The following KCNB2 variants were observed in gnomAD, a reference collection of about 807,000 sequenced individuals.
KCNB2 encodes the protein potassium voltage-gated channel subfamily B member 2.
KCNB2 carries 15 observed loss-of-function variants against 61.5 expected under a neutral mutation model. That is an observed-to-expected ratio of 0.24 (90% confidence interval 0.16 to 0.38). The LOEUF is 0.38. Ranked by LOEUF, KCNB2 falls within the 10% of genes least tolerant of loss-of-function variation. The pLI is 1.00. For synonymous variants in KCNB2, 457 were observed against 446.0 expected (o/e 1.02, Z -0.31); for missense variants, 828 against 1,125.2 (o/e 0.74, Z 3.78).
At chr8:72,639,325 C>T (rs564148350) in intron 2 of KCNB2, among the ~76,000 whole-genome samples, 1 of 152,264 alleles carries the variant, frequency 6.6e-6, no homozygotes, top group African/African-American at 2.4e-5. Context: ...ATTGATTAGA[C>T]ATCCACAAGT....
chr8:72,785,349 T>G (rs77715605), intron 2 of KCNB2, among the ~76,000 whole-genome samples: 1 of 152,284 alleles, frequency 6.6e-6, no homozygotes, highest in East Asian at 1.9e-4. Flanking sequence ...TCCTGAATAA[T>G]TGGGAATTGC....
chr8:72,817,546 CA>C (rs1809421255), intron 2 of KCNB2, among the ~76,000 whole-genome samples: 1 of 152,162 alleles, frequency 6.6e-6, no homozygotes. Context: ...CATCATTTCT[CA>C]ACTTCTTTGA....
chr8:72,808,982 A>G (rs1035240448), intron 2 of KCNB2, among the ~76,000 whole-genome samples: 15 of 152,214 alleles, frequency 9.9e-5, no homozygotes, highest in African/African-American at 3.6e-4. Flanking sequence ...ACCCTAGACC[A>G]TAAGATCCTT....
intron 2 of KCNB2, among the ~76,000 whole-genome samples, chr8:72,613,730 A>C (rs1469396364): frequency 6.6e-6 from 1 of 152,202 alleles, no homozygotes; most frequent in African/African-American, 2.4e-5. Flanking sequence ...TAAACCCCTG[A>C]TGTGGTTAAA....
intron 2 of KCNB2, among the ~76,000 whole-genome samples, chr8:72,680,523 G>C (rs1563557597): frequency 6.6e-6 from 1 of 152,130 alleles, no homozygotes; most frequent in Non-Finnish European, 1.5e-5. Context: ...ATCCTATATG[G>C]GCTGCTGTGG....
At chr8:72,771,277 C>T (rs947896878) in intron 2 of KCNB2, among the ~76,000 whole-genome samples, 6 of 152,204 alleles carry the variant, frequency 3.9e-5, no homozygotes, top group Admixed American at 3.3e-4. Context: ...CAGAACTGCT[C>T]ATTTGAAAAG....
intron 2 of KCNB2, among the ~76,000 whole-genome samples, chr8:72,902,882 A>G (rs1337134139): frequency 9.9e-5 from 15 of 152,184 alleles, no homozygotes; most frequent in African/African-American, 3.6e-4. Context: ...TATATAGTGG[A>G]AAAATGTCTA....
intron 2 of KCNB2, among the ~76,000 whole-genome samples, chr8:72,650,995 T>A (rs1330031321): frequency 2.2e-4 from 33 of 152,160 alleles, no homozygotes; most frequent in Non-Finnish European, 5.9e-5. Flanking sequence ...AAATGAATTG[T>A]CAAAATTGAC....
intron 2 of KCNB2, among the ~76,000 whole-genome samples, chr8:72,637,411 T>G (rs574463333): frequency 6.6e-6 from 1 of 152,302 alleles, no homozygotes; most frequent in African/African-American, 2.4e-5. Flanking sequence ...AATAGATCTT[T>G]TTTTTGTAGG....
chr8:72,539,683 A>G (rs1806163063), intron 1 of KCNB2, among the ~76,000 whole-genome samples: 1 of 152,218 alleles, frequency 6.6e-6, no homozygotes, highest in South Asian at 2.1e-4. Flanking sequence ...CATCTTTTCT[A>G]TTGCCTCTCT....
intron 2 of KCNB2, among the ~76,000 whole-genome samples, chr8:72,813,584 G>A (rs1809341866): frequency 6.6e-6 from 1 of 152,160 alleles, no homozygotes; most frequent in African/African-American, 2.4e-5. Context: ...AGTCTACCCA[G>A]GATGCAATCA....
intron 1 of KCNB2, among the ~76,000 whole-genome samples, chr8:72,540,151 T>A (rs1806169291): frequency 6.6e-6 from 1 of 152,208 alleles, no homozygotes; most frequent in Non-Finnish European, 1.5e-5. Context: ...TAACATATTG[T>A]GAAAGTAGAC....
At chr8:72,871,150 C>T (rs773375432) in intron 2 of KCNB2, among the ~76,000 whole-genome samples, 8 of 152,284 alleles carry the variant, frequency 5.3e-5, no homozygotes, top group Non-Finnish European at 1.2e-4. Flanking sequence ...CTGCCAACCT[C>T]ACAGGATTGC....
At chr8:72,576,024 G>C (rs151279991) in intron 2 of KCNB2, among the ~76,000 whole-genome samples, 1 of 151,996 alleles carries the variant, frequency 6.6e-6, no homozygotes, top group Non-Finnish European at 1.5e-5. Context: ...TTGATCATTC[G>C]GATAAAGGAA....
intron 2 of KCNB2, among the ~76,000 whole-genome samples, chr8:72,653,546 A>G (rs1411519722): frequency 6.6e-6 from 1 of 152,122 alleles, no homozygotes; most frequent in Non-Finnish European, 1.5e-5. Context: ...TATAAGCTCC[A>G]TGAGGTCAGG....
At chr8:72,580,969 A>G (rs1189048494) in intron 2 of KCNB2, among the ~76,000 whole-genome samples, 1 of 152,158 alleles carries the variant, frequency 6.6e-6, no homozygotes, top group Non-Finnish European at 1.5e-5. Flanking sequence ...ACTCCTTAGC[A>G]TTGCATTTAT....
chr8:72,542,858 C>T (rs1408937244), intron 1 of KCNB2, among the ~76,000 whole-genome samples: 1 of 152,180 alleles, frequency 6.6e-6, no homozygotes, highest in Non-Finnish European at 1.5e-5. Context: ...TACTCAGCTT[C>T]TGTGTGCCAA....
intron 2 of KCNB2, among the ~76,000 whole-genome samples, chr8:72,766,947 G>T (rs1279399106): frequency 6.6e-6 from 1 of 152,186 alleles, no homozygotes; most frequent in Non-Finnish European, 1.5e-5. Flanking sequence ...GAGGTGGGAA[G>T]CGAAAGGCAC....
chr8:72,803,603 C>T (rs1399100170), intron 2 of KCNB2, among the ~76,000 whole-genome samples: 1 of 152,174 alleles, frequency 6.6e-6, no homozygotes. Context: ...CTCCTTCACT[C>T]CTCTCTATAA....
Sources: gnomAD v4.1 joint callset for allele counts (sites outside exome capture counted in the v4.1 genomes callset) on GRCh38, gnomAD v4.1.1 for gene constraint, MANE v1.5 for transcripts, NCBI Gene and HGNC (gene_info 2026-07-23, HGNC 2026-07-21) for gene names.